The following SPATA3 variants were observed in gnomAD, a reference collection of about 807,000 sequenced individuals.
The protein encoded by SPATA3 is spermatogenesis-associated protein 3.
A neutral mutation model predicts 5.7 loss-of-function variants in SPATA3; 6 were observed. That is an observed-to-expected ratio of 1.06 (90% CI 0.58 to 2.09). The LOEUF (loss-of-function observed/expected upper bound fraction) is 2.09, where lower values mean the gene tolerates loss of function less well. SPATA3 is among the 30% of genes most tolerant of loss of function. SPATA3 has a pLI of 0.00. For synonymous variants in SPATA3, 44 were observed against 48.4 expected (o/e 0.91, Z 0.37); for missense variants, 155 against 130.4 (o/e 1.19, Z -0.92).
At chr2:230,999,116 C>A (rs1004414636) in intron 1 of SPATA3, among the ~76,000 whole-genome samples, 2 of 152,186 alleles carry the variant, frequency 1.3e-5, no homozygotes, top group African/African-American at 2.4e-5. Context: ...CCTGGATGAA[C>A]CTTATAGACA....
chr2:231,019,355 G>T (rs1314291193), intron 6 of SPATA3, among the ~76,000 whole-genome samples: 1 of 140,774 alleles, frequency 7.1e-6, no homozygotes, highest in Non-Finnish European at 1.5e-5. Flanking sequence ...ACAGAGTCTT[G>T]CACTGTTGCC....
downstream of SPATA3, among the ~76,000 whole-genome samples, chr2:231,010,726 G>A (rs570550713): frequency 4.4e-4 from 67 of 151,990 alleles, no homozygotes; most frequent in Non-Finnish European, 7.9e-4. Context: ...GCGGAGTCTA[G>A]CATCTTCACC....
At chr2:231,017,296 C>A (rs1484166570) in intron 6 of SPATA3, among the ~76,000 whole-genome samples, 4 of 152,224 alleles carry the variant, frequency 2.6e-5, no homozygotes, top group Admixed American at 1.3e-4. Context: ...CCACTGCCCC[C>A]CTTTGCCTTC....
chr2:231,019,255 C>A (rs1475444856), intron 6 of SPATA3, among the ~76,000 whole-genome samples: 1 of 151,572 alleles, frequency 6.6e-6, no homozygotes, highest in Non-Finnish European at 1.5e-5. Context: ...AGGAGTGAGC[C>A]ACCGTGCCAG....
At chr2:230,997,070 A>G in intron 1 of SPATA3, among the ~76,000 whole-genome samples, 1 of 152,166 alleles carries the variant, frequency 6.6e-6, no homozygotes, top group East Asian at 1.9e-4. Flanking sequence ...GAAGATGTGA[A>G]TAGACTTGTT....
chr2:231,007,832 A>G (rs989697030), downstream of SPATA3, among the ~76,000 whole-genome samples: 14 of 152,150 alleles, frequency 9.2e-5, no homozygotes, highest in Admixed American at 1.3e-4. Context: ...GCAAACACCA[A>G]TAGGGGAGAG....
intron 6 of SPATA3, among the ~76,000 whole-genome samples, chr2:231,015,663 C>T (rs1259221953): frequency 2.0e-5 from 3 of 152,186 alleles, no homozygotes; most frequent in African/African-American, 7.2e-5. Context: ...CACACACGTC[C>T]CAGACCCTCT....
downstream of SPATA3, among the ~76,000 whole-genome samples, chr2:231,011,111 A>G (rs1315224447): frequency 1.3e-5 from 2 of 150,722 alleles, no homozygotes; most frequent in Non-Finnish European, 3.0e-5. Flanking sequence ...GAAAGCCATC[A>G]ATCAATTGGT....
downstream of SPATA3, among the ~76,000 whole-genome samples, chr2:231,011,735 A>G (rs749945329): frequency 3.9e-5 from 6 of 152,190 alleles, no homozygotes; most frequent in Non-Finnish European, 8.8e-5. Context: ...GACACCTGCC[A>G]TGCAGCCTGT....
chr2:231,003,726 C>G (rs1288889069), downstream of SPATA3, among the ~76,000 whole-genome samples: 1 of 152,204 alleles, frequency 6.6e-6, no homozygotes, highest in East Asian at 1.9e-4. Context: ...ACATTCACAA[C>G]TCACAGGAGT....
At chr2:231,005,307 T>C (rs1224198325), downstream of SPATA3, among the ~76,000 whole-genome samples, 33 of 61,744 alleles carry the variant, frequency 5.3e-4, no homozygotes, top group South Asian at 6.0e-4. Context: ...ACCACCACCA[T>C]CACCACCATC....
chr2:231,015,499 G>A (rs547185504), intron 6 of SPATA3, among the ~76,000 whole-genome samples: 3 of 152,228 alleles, frequency 2.0e-5, no homozygotes, highest in African/African-American at 4.8e-5. Flanking sequence ...ACTGGCCAGC[G>A]GCCTCCCTTG....
At chr2:231,014,796 C>T (rs1213253509) in intron 6 of SPATA3, among the ~76,000 whole-genome samples, 2 of 152,194 alleles carry the variant, frequency 1.3e-5, no homozygotes, top group African/African-American at 4.8e-5. Context: ...TTCCATCTTT[C>T]TCACAGTGAC....
intron 1 of SPATA3, among the ~76,000 whole-genome samples, chr2:230,997,742 A>G (rs773132920): frequency 2.6e-5 from 4 of 152,208 alleles, no homozygotes; most frequent in Admixed American, 6.5e-5. Context: ...TAAGCATTGG[A>G]TTGTGTAGAG....
At chr2:231,000,451 C>T in exon 2 of SPATA3, 1 of 1,549,968 alleles carries the variant, frequency 6.5e-7, no homozygotes, top group Non-Finnish European at 8.7e-7. Context: ...TGGGGCTATG[C>T]CATAGCCGCA....
At chr2:231,019,385 G>A (rs1209794115) in intron 6 of SPATA3, among the ~76,000 whole-genome samples, 2 of 144,694 alleles carry the variant, frequency 1.4e-5, no homozygotes, top group Non-Finnish European at 3.0e-5. Flanking sequence ...GTGCAGTGGT[G>A]CGATCTCAGC....
At chr2:231,001,582 G>T (rs1378611903) in intron 2 of SPATA3, among the ~76,000 whole-genome samples, 1 of 152,166 alleles carries the variant, frequency 6.6e-6, no homozygotes, top group Admixed American at 6.5e-5. Context: ...GTCAAGGAAA[G>T]GTCTGCCTGC....
downstream of SPATA3, among the ~76,000 whole-genome samples, chr2:231,006,314 A>G (rs1692622850): frequency 6.6e-6 from 1 of 151,468 alleles, no homozygotes; most frequent in Non-Finnish European, 1.5e-5. Flanking sequence ...ATCCTGGCCA[A>G]CACGGTGAAA....
At chr2:230,996,209 C>A in intron 1 of SPATA3, 1 of 1,539,926 alleles carries the variant, frequency 6.5e-7, no homozygotes, top group Non-Finnish European at 8.8e-7. Context: ...CATGTAGGTC[C>A]ACGTTTAGGT....
Sources: gnomAD v4.1 joint callset for allele counts (sites outside exome capture counted in the v4.1 genomes callset) on GRCh38, gnomAD v4.1.1 for gene constraint, MANE v1.5 for transcripts, NCBI Gene and HGNC (gene_info 2026-07-23, HGNC 2026-07-21) for gene names.